Variants in PKP1 observed in about 807,000 individuals in gnomAD.
PKP1 encodes plakophilin 1, also known as plakophilin-1.
A neutral mutation model predicts 76.4 loss-of-function variants in PKP1; 27 were observed. The ratio of observed to expected loss-of-function variants is 0.35; its 90% CI spans 0.26 to 0.49. PKP1 has a LOEUF of 0.49. PKP1 is among the 20% of genes least tolerant of loss of function. The probability of loss-of-function intolerance (pLI) is 0.99; values close to 1 mark genes in which losing one functional copy is unlikely to be tolerated. For missense variants in PKP1, 964 were observed against 955.2 expected, an observed-to-expected ratio of 1.01 and a Z score of -0.12; for synonymous variants, 404 against 384.2, an observed-to-expected ratio of 1.05 and a Z score of -0.60.
chr1:201,290,968 T>C (rs986028342), intron 1 of PKP1, among the ~76,000 whole-genome samples: 2 of 152,144 alleles, frequency 1.3e-5, no homozygotes, highest in African/African-American at 4.8e-5. Flanking sequence ...CTATTGAACT[T>C]GACTTTTAGA....
intron 2 of PKP1, among the ~76,000 whole-genome samples, chr1:201,305,057 C>T (rs1420783859): frequency 6.6e-6 from 1 of 152,194 alleles, no homozygotes; most frequent in Non-Finnish European, 1.5e-5. Flanking sequence ...TACCTGAGTC[C>T]ACTTTGGGCA....
At position 201,328,791 on chromosome 1, in the gene PKP1, C is replaced by T. The variant is rs769749804; in HGVS notation, c.2136C>T (p.Thr712=). ...GTTTCGATAGGAACATGCTGGGAAC[C>T]TTAGCTGGGGCCAACAGCCTCAGGA... is the stretch of plus-strand genomic sequence containing the variant. ...QQGFDRNMLG[T]LAGANSLRNF... is the part of the protein sequence containing the mutation. Residue 712 remains threonine, a synonymous_variant, in exon 13 of 14, where the codon ACC becomes ACT. Transcript: ENST00000367324. The T allele has an allele frequency of 6.2e-7, 1 of 1,614,154 alleles. No individual in the cohort carries two copies. The highest frequency in any genetic ancestry group is 8.5e-7 in the Non-Finnish European group (1 of 1,180,002).
Position 201,304,233 on chromosome 1 carries a change from G to A in PKP1, c.307-8933G>A, listed in dbSNP as rs547740419. Among the ~76,000 whole-genome samples the A allele has an allele frequency of 1.1e-4, 16 of 152,278 alleles. No homozygotes were observed. The East Asian group carries it at 1.5e-3, about 15-fold the overall frequency. Reference sequence around the variant, plus strand: ...CTCCCTCCTCCTCCTTCCTGGCCACGCCAGAAGCTCAGCAAGACTGAACTA... The same window carrying A: ...CTCCCTCCTCCTCCTTCCTGGCCACACCAGAAGCTCAGCAAGACTGAACTA... On this transcript the variant is annotated intron_variant, in intron 2 of 13. Coordinates refer to ENST00000367324, the MANE Select transcript of PKP1 (RefSeq NM_001005337.3).
chr1:201,318,810 T>C lies in PKP1; in HGVS notation c.1232+15T>C. ...GGCTGCTTGAGGTGAGAGAAGAGGA[T>C]ACATGGGGTCTTTTTGTCCCAGCCT... On this transcript the variant is annotated intron_variant, in intron 6 of 13. Coordinates refer to ENST00000367324, the MANE Select transcript of PKP1 (RefSeq NM_001005337.3). 1 of 1,579,966 alleles carries C rather than the reference T, an allele frequency of 6.3e-7. No individual in the cohort carries two copies. The highest frequency in any genetic ancestry group is 8.6e-7 in the Non-Finnish European group (1 of 1,162,162).
chr1:201,304,090 G>T (rs192505526), intron 2 of PKP1, among the ~76,000 whole-genome samples: 1 of 152,274 alleles, frequency 6.6e-6, no homozygotes, highest in East Asian at 1.9e-4. Context: ...CCTGGAGAGG[G>T]CCCCCAGGAA....
chr1:201,318,134 C>T (rs1211419454), intron 5 of PKP1, among the ~76,000 whole-genome samples: 1 of 152,202 alleles, frequency 6.6e-6, no homozygotes, highest in Non-Finnish European at 1.5e-5. Context: ...AGGCCTTAAG[C>T]ACCTACCCTG....
In PKP1 at chr1:201,325,138, G is replaced by A; in HGVS notation, c.2021+11G>A. Reference sequence around the variant, plus strand: ...CCTGTGCCGAAGCAGGTGGGCGGGGGGTTGCTCCCACGGGCTGCACCCCAA... The same window carrying A: ...CCTGTGCCGAAGCAGGTGGGCGGGGAGTTGCTCCCACGGGCTGCACCCCAA... On this transcript the variant is annotated intron_variant, in intron 11 of 13. Coordinates refer to ENST00000367324, the MANE Select transcript of PKP1 (RefSeq NM_001005337.3). The A allele has an allele frequency of 6.2e-7, 1 of 1,612,888 alleles. No individual in the cohort carries two copies. Among genetic ancestry groups the A allele is most frequent in the Non-Finnish European group, 8.5e-7 (1 of 1,179,842 alleles).
rs536347145 is a variant in PKP1 at position 201,301,684 on chromosome 1, A to G, written c.306+7639A>G. Among the ~76,000 whole-genome samples, 26 of 151,142 alleles carry G rather than the reference A, an allele frequency of 1.7e-4. No individual in the cohort carries two copies. In the South Asian group the frequency reaches 5.4e-3, roughly 32 times the overall value. On this transcript the variant is annotated intron_variant, in intron 2 of 13. Coordinates refer to ENST00000367324, the MANE Select transcript of PKP1 (RefSeq NM_001005337.3). ...TTTGAAGAATCAAGGATAATTATAA[A>G]CTTTTTTATTTTGCCCCAGCAGAAA...
intron 6 of PKP1, chr1:201,319,878 T>C (rs1656885175): frequency 6.2e-7 from 1 of 1,613,864 alleles, no homozygotes. Flanking sequence ...AGTAGCAGGG[T>C]GTGAGCCTTG....
At chr1:201,295,923 A>C (rs1656057502) in intron 2 of PKP1, among the ~76,000 whole-genome samples, 2 of 152,016 alleles carry the variant, frequency 1.3e-5, no homozygotes, top group South Asian at 4.2e-4. Flanking sequence ...CATGTTGAAC[A>C]TTTCACTTCT....
At chr1:201,293,284 C>G (rs1019760553) in intron 1 of PKP1, among the ~76,000 whole-genome samples, 1 of 152,326 alleles carries the variant, frequency 6.6e-6, no homozygotes, top group East Asian at 1.9e-4. Context: ...CACTTTGCCA[C>G]TAATAACCCT....
chr1:201,296,934 T>C (rs1359487699), intron 2 of PKP1, among the ~76,000 whole-genome samples: 1 of 152,318 alleles, frequency 6.6e-6, no homozygotes, highest in South Asian at 2.1e-4. Context: ...CATTCTCAAA[T>C]AGCAAAGCTT....
At chr1:201,300,194 G>T (rs1656186394) in intron 2 of PKP1, among the ~76,000 whole-genome samples, 1 of 152,230 alleles carries the variant, frequency 6.6e-6, no homozygotes, top group South Asian at 2.1e-4. Flanking sequence ...CAAGTGAGCG[G>T]GAGCGGGCGG....
At chr1:201,285,489 T>C (rs1337036453) in intron 1 of PKP1, among the ~76,000 whole-genome samples, 2 of 152,176 alleles carry the variant, frequency 1.3e-5, no homozygotes, top group Non-Finnish European at 2.9e-5. Context: ...CCAGAGCACT[T>C]GCCTCCTTCC....
At chr1:201,324,057 T>C (rs1657030356) in intron 9 of PKP1, among the ~76,000 whole-genome samples, 1 of 152,124 alleles carries the variant, frequency 6.6e-6, no homozygotes, top group Non-Finnish European at 1.5e-5. Context: ...CTTGACCATA[T>C]AGTTTCACAT....
In PKP1 at chr1:201,313,269, C is replaced by T. The variant is rs1247703903; in HGVS notation, c.410C>T (p.Thr137Ile). The change falls in exon 3 of 14, where the codon ACC becomes ATC. Residue 137 changes from threonine (T) to isoleucine (I), a missense_variant. By Grantham distance (89) the Thr-to-Ile change is moderately conservative (BLOSUM62 -1). Coordinates refer to ENST00000367324, the MANE Select transcript of PKP1 (RefSeq NM_001005337.3). ...SRHYPRGSCN[T>I]TGAGSDICFM... Reference sequence around the variant, plus strand: ...CACTACCCCCGGGGCAGCTGTAACACCACCGGCGCAGGCAGCGACATCTGC... The same window carrying T: ...CACTACCCCCGGGGCAGCTGTAACATCACCGGCGCAGGCAGCGACATCTGC... 1.2e-6 allele frequency: 2 copies of T among 1,604,630 alleles called. No homozygotes were observed. The highest frequency in any genetic ancestry group is 1.3e-5 in the African/African-American group (1 of 74,744).
intron 2 of PKP1, among the ~76,000 whole-genome samples, chr1:201,304,500 G>T (rs1656320281): frequency 6.6e-6 from 1 of 152,242 alleles, no homozygotes; most frequent in Admixed American, 6.5e-5. Flanking sequence ...CCTTGGGACA[G>T]ATGGTCTTCC....
At chr1:201,292,129 C>T (rs1359904016) in intron 1 of PKP1, among the ~76,000 whole-genome samples, 1 of 152,176 alleles carries the variant, frequency 6.6e-6, no homozygotes. Flanking sequence ...GACCCTGAGG[C>T]AGGTGGCAAA....
At chr1:201,328,139 T>C (rs1277433215) in intron 12 of PKP1, among the ~76,000 whole-genome samples, 1 of 152,194 alleles carries the variant, frequency 6.6e-6, no homozygotes, top group Non-Finnish European at 1.5e-5. Flanking sequence ...ATTGCTGCAT[T>C]CAAATCATGC....
Sources: allele counts gnomAD v4.1 joint callset (sites outside exome capture counted in the v4.1 genomes callset), GRCh38; gene constraint gnomAD v4.1.1; transcripts MANE v1.5; gene names NCBI Gene and HGNC (gene_info 2026-07-23, HGNC 2026-07-21).